Variants in KCNQ3 observed in about 807,000 individuals in gnomAD.
KCNQ3 encodes potassium voltage-gated channel subfamily Q member 3, also known as potassium voltage-gated channel subfamily KQT member 3.
KCNQ3 carries 30 observed loss-of-function variants against 92.5 expected under a neutral mutation model. The ratio of observed to expected loss-of-function variants is 0.32; its 90% CI spans 0.24 to 0.44. KCNQ3 has a LOEUF of 0.44. Ranked by LOEUF, KCNQ3 falls within the 20% of genes least tolerant of loss-of-function variation. KCNQ3 has a pLI of 1.00. For synonymous variants in KCNQ3, 450 were observed against 468.8 expected, an observed-to-expected ratio of 0.96 and a Z score of 0.52; for missense variants, 913 against 1,140.3, an observed-to-expected ratio of 0.80 and a Z score of 2.87.
At chr8:132,421,991 A>G (rs1418865959) in intron 1 of KCNQ3, among the ~76,000 whole-genome samples, 4 of 152,232 alleles carry the variant, frequency 2.6e-5, no homozygotes, top group African/African-American at 9.6e-5. Flanking sequence ...GGGCTGCACC[A>G]TCAGTGTTAG....
At chr8:132,199,460 T>C (rs894139508) in intron 1 of KCNQ3, among the ~76,000 whole-genome samples, 2 of 152,214 alleles carry the variant, frequency 1.3e-5, no homozygotes, top group African/African-American at 4.8e-5. Flanking sequence ...TAATATGATA[T>C]TTTTGTCTTC....
chr8:132,426,818 A>G (rs1461276986), intron 1 of KCNQ3, among the ~76,000 whole-genome samples: 1 of 152,188 alleles, frequency 6.6e-6, no homozygotes, highest in African/African-American at 2.4e-5. Flanking sequence ...CAAGGAGATA[A>G]ATAACCCTTG....
chr8:132,249,206 G>T (rs1008919217), intron 1 of KCNQ3, among the ~76,000 whole-genome samples: 2 of 152,176 alleles, frequency 1.3e-5, no homozygotes, highest in Non-Finnish European at 2.9e-5. Flanking sequence ...GTGCAGAAGG[G>T]GACCCAAGCA....
chr8:132,319,061 G>A (rs894378516), intron 1 of KCNQ3, among the ~76,000 whole-genome samples: 2 of 152,170 alleles, frequency 1.3e-5, no homozygotes, highest in African/African-American at 2.4e-5. Flanking sequence ...AATTTAAAAA[G>A]TGGGATAAAG....
intron 1 of KCNQ3, among the ~76,000 whole-genome samples, chr8:132,394,016 C>G (rs1820121053): frequency 6.6e-6 from 1 of 152,196 alleles, no homozygotes; most frequent in Non-Finnish European, 1.5e-5. Flanking sequence ...AAGCTCTAGT[C>G]AGACCCAGGC....
chr8:132,146,540 T>C (rs1481772044), intron 9 of KCNQ3, among the ~76,000 whole-genome samples: 1 of 152,006 alleles, frequency 6.6e-6, no homozygotes, highest in Admixed American at 6.6e-5. Flanking sequence ...CAAAGTAAAA[T>C]GTTCTGAAGA....
chr8:132,346,012 GATGATGGTGATGATGATGAAAAGGTC>G (rs1302215470), intron 1 of KCNQ3, among the ~76,000 whole-genome samples: 1 of 151,952 alleles, frequency 6.6e-6, no homozygotes, highest in African/African-American at 2.4e-5. Flanking sequence ...TGACAATGAT[GATGATGGTGATGATGATGAAAAGGTC>G]ATGATGGTGA....
rs1224184635 is a variant in KCNQ3, at chr8:132,128,439, G to C, written c.*823C>G. ...ACTGAACTCAGCTCCTGCCCAGAGG[G>C]GCACTTCACTTCTGATAAATTCCAT... On this transcript the variant is annotated 3_prime_UTR_variant, in exon 15 of 15. Coordinates refer to ENST00000388996, the MANE Select transcript of KCNQ3 (RefSeq NM_004519.4). The C allele has an allele frequency of 6.6e-6, 1 of 152,068 alleles. No individual in the cohort carries two copies. The highest frequency in any genetic ancestry group is 6.5e-5 in the Admixed American group (1 of 15,268). 9.4% of individuals were successfully genotyped at this position (152,068 alleles called of 1,614,324 possible). A position where few individuals can be genotyped will look rare whatever the true frequency, so the allele number is the denominator to read the frequency against.
At chr8:132,378,299 C>T (rs75224831) in intron 1 of KCNQ3, among the ~76,000 whole-genome samples, 28 of 151,798 alleles carry the variant, frequency 1.8e-4, no homozygotes, top group African/African-American at 3.1e-4. Flanking sequence ...GGCTGATGCA[C>T]GAGAAACACT....
At chr8:132,453,463 C>A (rs1821868227) in intron 1 of KCNQ3, among the ~76,000 whole-genome samples, 1 of 152,120 alleles carries the variant, frequency 6.6e-6, no homozygotes, top group Admixed American at 6.6e-5. Context: ...CCCTCAAGGC[C>A]AGTGGCACAG....
chr8:132,285,435 T>G (rs1183881949), intron 1 of KCNQ3, among the ~76,000 whole-genome samples: 1 of 152,244 alleles, frequency 6.6e-6, no homozygotes, highest in Non-Finnish European at 1.5e-5. Context: ...ATGCACTGTG[T>G]CCATGCCCTA....
intron 1 of KCNQ3, among the ~76,000 whole-genome samples, chr8:132,478,782 C>T (rs534064749): frequency 1.3e-4 from 20 of 152,218 alleles, no homozygotes; most frequent in Admixed American, 7.2e-4. Context: ...TTGAAGAAAC[C>T]TGTTGCTAAG....
chr8:132,256,546 G>A (rs1271169295), intron 1 of KCNQ3, among the ~76,000 whole-genome samples: 2 of 152,132 alleles, frequency 1.3e-5, no homozygotes, highest in East Asian at 3.8e-4. Flanking sequence ...ATCAGAGCTA[G>A]ATACCACATA....
At chr8:132,261,800 C>G (rs567943898) in intron 1 of KCNQ3, among the ~76,000 whole-genome samples, 12 of 152,238 alleles carry the variant, frequency 7.9e-5, no homozygotes, top group African/African-American at 2.9e-4. Context: ...GGGTTTGCAT[C>G]TAGGCTATAG....
chr8:132,337,333 TA>T (rs1360367879), intron 1 of KCNQ3, among the ~76,000 whole-genome samples: 1 of 152,018 alleles, frequency 6.6e-6, no homozygotes, highest in Non-Finnish European at 1.5e-5. Context: ...CCAGTCTCTA[TA>T]AAAATTTTAA....
chr8:132,179,153 G>C (rs1259963682), intron 4 of KCNQ3, among the ~76,000 whole-genome samples: 1 of 150,790 alleles, frequency 6.6e-6, no homozygotes, highest in African/African-American at 2.4e-5. Flanking sequence ...CCAGAATCCA[G>C]CTAAAGCAGC....
At chr8:132,464,270 T>G (rs1822123403) in intron 1 of KCNQ3, among the ~76,000 whole-genome samples, 1 of 152,194 alleles carries the variant, frequency 6.6e-6, no homozygotes, top group Non-Finnish European at 1.5e-5. Context: ...CTAGGCTGGT[T>G]AAGTGGTTTA....
intron 1 of KCNQ3, among the ~76,000 whole-genome samples, chr8:132,330,715 A>C (rs1490388281): frequency 6.6e-6 from 1 of 152,194 alleles, no homozygotes; most frequent in Admixed American, 6.5e-5. Context: ...CTGCAGCCAG[A>C]AACATGTGTG....
intron 1 of KCNQ3, among the ~76,000 whole-genome samples, chr8:132,189,363 ATTGT>A (rs1827087191): frequency 1.3e-5 from 2 of 152,298 alleles, no homozygotes; most frequent in South Asian, 2.1e-4. Context: ...TCATCTTGTA[ATTGT>A]TTGCGCACAT....
Sources: allele counts gnomAD v4.1 joint callset (sites outside exome capture counted in the v4.1 genomes callset), GRCh38; gene constraint gnomAD v4.1.1; transcripts MANE v1.5; gene names NCBI Gene and HGNC (gene_info 2026-07-23, HGNC 2026-07-21).